The following ZFP3 variants were observed in gnomAD, a reference collection of about 807,000 sequenced individuals.
The protein encoded by ZFP3 is zinc finger protein 3 homolog.
ZFP3 carries 18 observed loss-of-function variants against 36.7 expected under a neutral mutation model. That is an observed-to-expected ratio of 0.49 (90% CI 0.34 to 0.73). ZFP3 has a LOEUF of 0.73. ZFP3 is among the 30% of genes least tolerant of loss of function. The pLI is 0.01. For missense variants in ZFP3, 495 were observed against 599.0 expected, an observed-to-expected ratio of 0.83 and a Z score of 1.81; for synonymous variants, 218 against 199.0, an observed-to-expected ratio of 1.10 and a Z score of -0.81.
chr17:5,083,930 G>A (rs1008268925), intron 1 of ZFP3, among the ~76,000 whole-genome samples: 1 of 151,626 alleles, frequency 6.6e-6, no homozygotes, highest in Admixed American at 6.6e-5. Flanking sequence ...GCAATGGTGC[G>A]ATCTCAGCTC....
At chr17:5,089,722 C>T (rs987117918) in intron 1 of ZFP3, among the ~76,000 whole-genome samples, 1 of 143,062 alleles carries the variant, frequency 7.0e-6, no homozygotes, top group African/African-American at 2.5e-5. Flanking sequence ...GTGGCACAAT[C>T]ACGGCTCATT....
rs2072163905 is a variant in ZFP3 at position 5,093,720 on chromosome 17, G to A, written c.*707G>A. On this transcript the variant is annotated 3_prime_UTR_variant, in exon 2 of 2. Transcript: ENST00000318833. ...AGAAGATGGCAGCATTAATGAAGAA[G>A]CAGGCTCATTTCACATCTGTCAGGC... 6.0e-6 allele frequency: 1 copy of A among 167,130 alleles called. No homozygotes were observed. The highest frequency in any genetic ancestry group is 2.4e-5 in the African/African-American group (1 of 41,466). The allele number at this position is 167,130 out of a possible 1,614,324, so 10.4% of individuals were successfully genotyped here.
In ZFP3 at chr17:5,094,381, G is replaced by GT. The variant is rs1311808799; in HGVS notation, c.*1374dup. 1 of 167,078 alleles carries GT rather than the reference G, an allele frequency of 6.0e-6. No homozygotes were observed. Among genetic ancestry groups the GT allele is most frequent in the African/African-American group, 2.4e-5 (1 of 41,442 alleles). 10.3% of individuals were successfully genotyped at this position (167,078 alleles called of 1,614,324 possible). On this transcript the variant is annotated 3_prime_UTR_variant, in exon 2 of 2. Coordinates refer to ENST00000318833, the MANE Select transcript of ZFP3 (RefSeq NM_153018.3). ...AATTCTTTCTTCGCTATGTCTGCATGTTTTTTGTGTTCTGTATTTATTTCT... is the reference window on the plus strand; with the variant it reads ...AATTCTTTCTTCGCTATGTCTGCATGTTTTTTTGTGTTCTGTATTTATTTCT...
intron 1 of ZFP3, among the ~76,000 whole-genome samples, chr17:5,080,065 G>A (rs1388797831): frequency 6.6e-6 from 1 of 151,980 alleles, no homozygotes; most frequent in Non-Finnish European, 1.5e-5. Flanking sequence ...AATAGGTATC[G>A]TGGTTTCAGG....
rs371238201 is a variant in ZFP3, at chr17:5,085,454, C to T, written c.-8-6043C>T. 1.7e-3 allele frequency among the ~76,000 whole-genome samples: 266 copies of T among 152,046 alleles called. 1 individual carries two copies. The highest frequency in any genetic ancestry group is 0.01 in the South Asian group (50 of 4,808). On this transcript the variant is annotated intron_variant, in intron 1 of 1. Transcript: ENST00000318833. ...CGCAATCTTGGTTCACTGCAAGCCC[C>T]GCCTCCTGGGTTCACGCCACTCGCC...
Position 5,094,141 on chromosome 17 carries a change from C to G in ZFP3, c.*1128C>G, listed in dbSNP as rs149748293. 1.1e-3 allele frequency: 176 copies of G among 167,270 alleles called. No individual in the cohort carries two copies. The highest frequency in any genetic ancestry group is 1.7e-3 in the Non-Finnish European group (117 of 68,146). The allele number at this position is 167,270 out of a possible 1,614,324, so 10.4% of individuals were successfully genotyped here. A position where few individuals can be genotyped will look rare whatever the true frequency, so the allele number is the denominator to read the frequency against. ...TTAAGTTCTCATGACCTGGACCGCACTGGAGGCCCTGGCTAAGTCAGGATG... is the reference window on the plus strand; with the variant it reads ...TTAAGTTCTCATGACCTGGACCGCAGTGGAGGCCCTGGCTAAGTCAGGATG... On this transcript the variant is annotated 3_prime_UTR_variant, in exon 2 of 2. Coordinates refer to ENST00000318833, the MANE Select transcript of ZFP3 (RefSeq NM_153018.3).
intron 1 of ZFP3, among the ~76,000 whole-genome samples, chr17:5,083,567 G>A (rs1380558223): frequency 6.7e-6 from 1 of 149,206 alleles, no homozygotes; most frequent in Admixed American, 6.7e-5. Context: ...AAAAGACTTT[G>A]TAACAGTGGT....
rs770626498 is a variant in ZFP3 at position 5,092,628 on chromosome 17, G to C, written c.1124G>C (p.Arg375Thr). 3.1e-5 allele frequency: 50 copies of C among 1,613,994 alleles called. No individual in the cohort carries two copies. The highest frequency in any genetic ancestry group is 4.1e-5 in the Non-Finnish European group (48 of 1,180,022). ...YVCKECGKAF[R>T]GNSELLRHER... ...TGTAAGGAATGTGGGAAGGCCTTCA[G>C]GGGGAACTCAGAACTTCTTAGACAT... Residue 375 changes from arginine (R) to threonine (T), a missense_variant, in exon 2 of 2, where the codon AGG (arginine) becomes ACG (threonine). Transcript: ENST00000318833. This position sits in a 1 kb window ranked among gnomAD's most constrained non-coding sequence, Gnocchi z 5.0.
chr17:5,079,045 A>G (rs780287707), intron 1 of ZFP3, among the ~76,000 whole-genome samples: 1 of 152,214 alleles, frequency 6.6e-6, no homozygotes, highest in South Asian at 2.1e-4. Flanking sequence ...GCAAAGATAG[A>G]GCCCTATTGT....
At position 5,094,634 on chromosome 17, in the gene ZFP3, T is replaced by G. The variant is rs1463822903; in HGVS notation, c.*1621T>G. ...CCAGCCCGATAATTCCTTAATTCTTTAAAAATTTAACTTTATATATCTTTA... is the reference window on the plus strand; with the variant it reads ...CCAGCCCGATAATTCCTTAATTCTTGAAAAATTTAACTTTATATATCTTTA... On this transcript the variant is annotated 3_prime_UTR_variant, in exon 2 of 2. Coordinates refer to ENST00000318833, the MANE Select transcript of ZFP3 (RefSeq NM_153018.3). The G allele has an allele frequency of 6.0e-6, 1 of 167,148 alleles. No homozygotes were observed. The highest frequency in any genetic ancestry group is 2.4e-5 in the African/African-American group (1 of 41,472). The allele number at this position is 167,148 out of a possible 1,614,324, so 10.4% of individuals were successfully genotyped here.
At position 5,093,837 on chromosome 17, in the gene ZFP3, G is replaced by T. The variant is rs1274869342; in HGVS notation, c.*824G>T. 1 of 167,102 alleles carries T rather than the reference G, an allele frequency of 6.0e-6. No individual in the cohort carries two copies. Among genetic ancestry groups the T allele is most frequent in the Non-Finnish European group, 1.5e-5 (1 of 68,140 alleles). The allele number at this position is 167,102 out of a possible 1,614,324, so 10.4% of individuals were successfully genotyped here. A position where few individuals can be genotyped will look rare whatever the true frequency, so the allele number is the denominator to read the frequency against. On this transcript the variant is annotated 3_prime_UTR_variant, in exon 2 of 2. Coordinates refer to ENST00000318833, the MANE Select transcript of ZFP3 (RefSeq NM_153018.3). The stretch of plus-strand genomic sequence containing the variant: ...AGTGAAGGCCTTAGAATCCAGAGGG[G>T]CCGATTAGGCAACACCAGGGGATAA...
chr17:5,081,225 C>G (rs753307729), intron 1 of ZFP3, among the ~76,000 whole-genome samples: 1 of 151,928 alleles, frequency 6.6e-6, no homozygotes, highest in Non-Finnish European at 1.5e-5. Context: ...TCCCGAGTAG[C>G]TGGGACTACA....
intron 1 of ZFP3, among the ~76,000 whole-genome samples, chr17:5,081,555 C>T (rs1597902523): frequency 6.6e-6 from 1 of 152,212 alleles, no homozygotes; most frequent in South Asian, 2.1e-4. Flanking sequence ...GGTTTCTCTT[C>T]TCTCACATTT....
intron 1 of ZFP3, among the ~76,000 whole-genome samples, chr17:5,087,145 A>G (rs765786859): frequency 3.4e-5 from 5 of 148,420 alleles, no homozygotes; most frequent in South Asian, 2.1e-4. Flanking sequence ...CAGTGGCTCA[A>G]TCATAGGTTA....
At chr17:5,082,203 C>T (rs1321626371) in intron 1 of ZFP3, among the ~76,000 whole-genome samples, 2 of 151,620 alleles carry the variant, frequency 1.3e-5, no homozygotes, top group Admixed American at 6.6e-5. Flanking sequence ...AAAAATTAGC[C>T]GGGCCTGGTG....
chr17:5,083,846 A>ATTTTCTTTTCTTTTCTTTTCTTTTC (rs71149521), intron 1 of ZFP3, among the ~76,000 whole-genome samples: 12 of 148,790 alleles, frequency 8.1e-5, no homozygotes, highest in African/African-American at 3.0e-4. Context: ...TTCCATGCAG[A>ATTTTCTTTTCTTTTCTTTTCTTTTC]TTTTCTTTTC....
At position 5,091,809 on chromosome 17, in the gene ZFP3, T is replaced by C; in HGVS notation, c.305T>C (p.Val102Ala). ...ERGCSPSPNL[V>A]THQGDTTEGV... is the part of the protein sequence containing the mutation. Reference sequence around the variant, plus strand: ...GGCTGCAGTCCCAGCCCAAATCTGGTTACACATCAGGGAGATACAACAGAG... The same window carrying C: ...GGCTGCAGTCCCAGCCCAAATCTGGCTACACATCAGGGAGATACAACAGAG... Residue 102 changes from valine (V) to alanine (A), a missense_variant, in exon 2 of 2, where the codon GTT becomes GCT. Transcript: ENST00000318833. The C allele has an allele frequency of 1.2e-6, 2 of 1,614,138 alleles. No individual in the cohort carries two copies. The highest frequency in any genetic ancestry group is 1.7e-6 in the Non-Finnish European group (2 of 1,180,018).
intron 1 of ZFP3, among the ~76,000 whole-genome samples, chr17:5,084,480 T>A (rs2072110931): frequency 7.6e-6 from 1 of 132,290 alleles, no homozygotes; most frequent in Non-Finnish European, 1.6e-5. Flanking sequence ...TTTCACCGTG[T>A]TAGCCAGGAT....
rs1283833879 is a variant in ZFP3 at position 5,085,381 on chromosome 17, T to TG, written c.-8-6116_-8-6115insG. On this transcript the variant is annotated intron_variant, in intron 1 of 1. Transcript: ENST00000318833. ...TTTCTGAATTTGAGTTTTGTTTTTT[T>TG]TTTTTGAGACGGAGCCTTGCTCTGT... Among the ~76,000 whole-genome samples the TG allele has an allele frequency of 4.0e-5, 6 of 151,716 alleles. No homozygotes were observed. In the East Asian group the frequency reaches 1.2e-3, roughly 29 times the overall value.
Sources: gnomAD v4.1 joint callset for allele counts (sites outside exome capture counted in the v4.1 genomes callset) on GRCh38, gnomAD v4.1.1 for gene constraint, Gnocchi (gnomAD v3.1) non-coding constraint, MANE v1.5 for transcripts, NCBI Gene and HGNC (gene_info 2026-07-23, HGNC 2026-07-21) for gene names.